PROM1: variants seen among roughly 807,000 people sequenced by gnomAD.
The protein encoded by PROM1 is prominin-1.
A neutral mutation model predicts 116.9 loss-of-function variants in PROM1; 105 were observed. That is an observed-to-expected ratio of 0.90 (90% CI 0.77 to 1.06). PROM1 has a LOEUF of 1.06. Ranked by LOEUF, PROM1 falls within the 50% of genes least tolerant of loss-of-function variation. PROM1 has a pLI of 0.00. For synonymous variants in PROM1, 393 were observed against 387.0 expected, an observed-to-expected ratio of 1.02 and a Z score of -0.18; for missense variants, 1,122 against 1,045.2, an observed-to-expected ratio of 1.07 and a Z score of -1.01.
At chr4:16,068,014 C>T (rs1026562277) in intron 2 of PROM1, among the ~76,000 whole-genome samples, 23 of 152,288 alleles carry the variant, frequency 1.5e-4, no homozygotes, top group African/African-American at 4.8e-4. Flanking sequence ...GCTGGTTCTC[C>T]ACCATGAGGA....
At chr4:16,072,404 T>C (rs946072290) in intron 2 of PROM1, among the ~76,000 whole-genome samples, 1 of 152,204 alleles carries the variant, frequency 6.6e-6, no homozygotes, top group Non-Finnish European at 1.5e-5. Flanking sequence ...TGACCTGTAC[T>C]GGAACTTTGC....
chr4:15,970,455 G>C (rs62288711), intron 27 of PROM1, among the ~76,000 whole-genome samples: 1 of 151,616 alleles, frequency 6.6e-6, no homozygotes, highest in East Asian at 1.9e-4. Flanking sequence ...TTACAGGCGT[G>C]AGCCACCGCA....
chr4:15,986,406 G>A (rs542468148), intron 20 of PROM1, among the ~76,000 whole-genome samples: 4 of 151,810 alleles, frequency 2.6e-5, no homozygotes, highest in South Asian at 4.2e-4. Flanking sequence ...GATTTGCACC[G>A]AACTTTTTTT....
At chr4:16,022,473 C>T (rs1244988889) in intron 8 of PROM1, among the ~76,000 whole-genome samples, 1 of 152,212 alleles carries the variant, frequency 6.6e-6, no homozygotes, top group African/African-American at 2.4e-5. Flanking sequence ...CTGGCCTGTT[C>T]TGCACGTCCT....
chr4:16,039,049 A>T (rs1171506682), intron 2 of PROM1, 48 bp from the exon 3 acceptor site: 12 of 1,393,392 alleles, frequency 8.6e-6, no homozygotes, highest in Non-Finnish European at 9.5e-6. Context: ...CAGTAAAATT[A>T]TAAAATGCAT....
At position 15,984,337 on chromosome 4, in the gene PROM1, A is replaced by T. The variant is rs766065298; in HGVS notation, c.2299T>A (p.Ser767Thr). The change falls in exon 23 of 28, where the codon TCG (serine) becomes ACG (threonine). Residue 767 changes from serine to threonine, a missense_variant. Coordinates refer to ENST00000447510, the MANE Select transcript of PROM1 (RefSeq NM_006017.3). Reference protein sequence around the residue: ...IEFSISEKVASCKPVATALDT... With the variant: ...IEFSISEKVATCKPVATALDT... ...AGAGCGGTGGCCACAGGTTTGCACG[A>T]TGCCACTTTCTCACTGATCTAGGGG... 29 of 1,596,704 alleles carry T rather than the reference A, an allele frequency of 1.8e-5. No homozygotes were observed. The highest frequency in any genetic ancestry group is 2.4e-5 in the Non-Finnish European group (28 of 1,170,626).
intron 11 of PROM1, among the ~76,000 whole-genome samples, chr4:16,010,982 C>A (rs1239718297): frequency 2.0e-5 from 3 of 152,048 alleles, no homozygotes; most frequent in Non-Finnish European, 2.9e-5. Context: ...GGATCCTTGG[C>A]CAAAAATGAC....
At chr4:16,057,430 A>G (rs1454090919) in intron 2 of PROM1, among the ~76,000 whole-genome samples, 1 of 152,246 alleles carries the variant, frequency 6.6e-6, no homozygotes, top group African/African-American at 2.4e-5. Context: ...TAATTCGGGA[A>G]CTTAGAGACT....
intron 2 of PROM1, among the ~76,000 whole-genome samples, chr4:16,051,148 G>GA (rs1328806875): frequency 6.6e-6 from 1 of 152,138 alleles, no homozygotes; most frequent in Non-Finnish European, 1.5e-5. Context: ...TAAGTGAAGG[G>GA]AAAAAACTCC....
At position 15,999,238 on chromosome 4, in the gene PROM1, A is replaced by G. The variant is rs537856280; in HGVS notation, c.1579-750T>C. ...TGTAATCCCAGCACTTTGGGAGGCCAAGGTGGGCAGATCACGAGGTCAGGA... is the reference window on the plus strand; with the variant it reads ...TGTAATCCCAGCACTTTGGGAGGCCGAGGTGGGCAGATCACGAGGTCAGGA... On this transcript the variant is annotated intron_variant, in intron 14 of 27. Transcript: ENST00000447510. Among the ~76,000 whole-genome samples the G allele has an allele frequency of 5.9e-5, 9 of 151,992 alleles. No homozygotes were observed. In the East Asian group the frequency reaches 9.9e-4, roughly 17 times the overall value.
intron 11 of PROM1, among the ~76,000 whole-genome samples, chr4:16,010,219 C>T (rs1037508121): frequency 6.6e-6 from 1 of 152,182 alleles, no homozygotes; most frequent in Non-Finnish European, 1.5e-5. Flanking sequence ...TCCATCACAA[C>T]AGGTCCTAAA....
rs1740307886 is a variant in PROM1, at chr4:16,061,529, T to TGACATG, written c.220+14152_220+14157dup. The stretch of plus-strand genomic sequence containing the variant: ...AAGCCCACTTTCTCGGCTGACCAGA[T>TGACATG]GACATGGACATCAGTTCCGTCCCTC... On this transcript the variant is annotated intron_variant, in intron 2 of 27. Transcript: ENST00000447510. Among the ~76,000 whole-genome samples, 6 of 152,374 alleles carry TGACATG rather than the reference T, an allele frequency of 3.9e-5. No homozygotes were observed. The South Asian group carries it at 1.2e-3, about 32-fold the overall frequency.
At chr4:15,984,453 G>T (rs1025232211) in intron 22 of PROM1, 98 bp from the exon 23 acceptor site, 10 of 861,192 alleles carry the variant, frequency 1.2e-5, no homozygotes, top group Non-Finnish European at 1.6e-5. Context: ...TCACAAAAAG[G>T]ATCTCCATGT....
intron 14 of PROM1, among the ~76,000 whole-genome samples, chr4:15,998,779 G>A (rs1049428416): frequency 1.3e-5 from 2 of 151,934 alleles, no homozygotes; most frequent in South Asian, 2.1e-4. Context: ...GCAGTGGCGC[G>A]ATCTCAGCTC....
intron 2 of PROM1, among the ~76,000 whole-genome samples, chr4:16,044,282 TC>T (rs942707211): frequency 7.2e-5 from 11 of 152,180 alleles, no homozygotes; most frequent in African/African-American, 2.7e-4. Flanking sequence ...TGAAATTCTA[TC>T]CCTATAATGT....
At chr4:16,018,170 G>T in intron 9 of PROM1, 153 bp downstream of exon 9, 1 of 668,626 alleles carries the variant, frequency 1.5e-6, no homozygotes, top group African/African-American at 1.8e-5. Context: ...ATTCCAATAT[G>T]GTGATCAAAT....
At chr4:16,061,390 A>G (rs1408479267) in intron 2 of PROM1, among the ~76,000 whole-genome samples, 1 of 152,180 alleles carries the variant, frequency 6.6e-6, no homozygotes, top group Non-Finnish European at 1.5e-5. Context: ...TATTTAAGCT[A>G]TTTCACTTTT....
chr4:16,082,255 T>C (rs1486773436), intron 1 of PROM1: 2 of 151,924 alleles, frequency 1.3e-5, no homozygotes, highest in Non-Finnish European at 2.9e-5. Flanking sequence ...TTGAATCATA[T>C]GAGGTTGACG....
chr4:16,067,377 C>T (rs1337147744), intron 2 of PROM1, among the ~76,000 whole-genome samples: 1 of 152,228 alleles, frequency 6.6e-6, no homozygotes, highest in Non-Finnish European at 1.5e-5. Context: ...CTGCCACTGA[C>T]CAGCTCTAGC....
Sources: gnomAD v4.1 joint callset for allele counts (sites outside exome capture counted in the v4.1 genomes callset) on GRCh38, gnomAD v4.1.1 for gene constraint, MANE v1.5 for transcripts, NCBI Gene and HGNC (gene_info 2026-07-23, HGNC 2026-07-21) for gene names.